The following HIRA variants were observed in gnomAD, a reference collection of about 807,000 sequenced individuals.
HIRA encodes the protein protein HIRA.
In HIRA, 13 loss-of-function variants were observed where a neutral mutation model predicts 126.6. The ratio of observed to expected loss-of-function variants is 0.10; its 90% confidence interval spans 0.07 to 0.16. HIRA has a LOEUF of 0.16. Among genes scored for constraint, HIRA ranks in the 10% least tolerant of loss-of-function variants. HIRA has a pLI of 1.00. For missense variants in HIRA, 834 were observed against 1,314.4 expected, an observed-to-expected ratio of 0.63 and a Z score of 5.65; for synonymous variants, 511 against 520.0, an observed-to-expected ratio of 0.98 and a Z score of 0.24.
Position 19,396,722 on chromosome 22 carries a change from C to T in HIRA, c.654+65G>A, listed in dbSNP as rs2089227369. 5.1e-6 allele frequency: 8 copies of T among 1,560,092 alleles called. 1 individual carries two copies. In the South Asian group the frequency reaches 8.0e-5, roughly 16 times the overall value. On this transcript the variant is annotated intron_variant, in intron 7 of 24. Coordinates refer to ENST00000263208, the MANE Select transcript of HIRA (RefSeq NM_003325.4). ...GCCCATGGCCAGCTCCCTCTCTGTA[C>T]ACAGAAGTCAGGAAGAGGCTGGGGC...
chr22:19,394,246 CT>C, intron 8 of HIRA, 95 bp downstream of exon 8: 1 of 1,398,206 alleles, frequency 7.2e-7, no homozygotes, highest in Non-Finnish European at 9.7e-7. Flanking sequence ...GTAAAATTAG[CT>C]TTTAAATATT....
intron 2 of HIRA, among the ~76,000 whole-genome samples, chr22:19,409,473 G>A (rs943531844): frequency 9.2e-5 from 14 of 151,958 alleles, no homozygotes; most frequent in African/African-American, 3.1e-4. Context: ...TAGTAGAGAC[G>A]GGGTTTCGCC....
chr22:19,393,677 C>T (rs2089200910), intron 8 of HIRA, among the ~76,000 whole-genome samples: 1 of 152,150 alleles, frequency 6.6e-6, no homozygotes, highest in Admixed American at 6.5e-5. Flanking sequence ...TCTATTTAAA[C>T]ACGGGCAAAA....
At chr22:19,380,495 G>A in intron 13 of HIRA, among the ~76,000 whole-genome samples, 1 of 152,158 alleles carries the variant, frequency 6.6e-6, no homozygotes, top group Middle Eastern at 3.2e-3. Context: ...GTATCTCACT[G>A]TTTTGAGTTA....
At position 19,357,073 on chromosome 22, in the gene HIRA, A is replaced by T. The variant is rs782019725; in HGVS notation, c.2235-22T>A. On this transcript the variant is annotated intron_variant, in intron 18 of 24. Transcript: ENST00000263208. ...GTCACTGAGAAGGCAGAGTGGGGGC[A>T]GGTGTCATGGGGGCTGAGTGCTGCA... 11 of 1,613,120 alleles carry T rather than the reference A, an allele frequency of 6.8e-6. No individual in the cohort carries two copies. The South Asian group carries it at 9.9e-5, about 15-fold the overall frequency.
rs376016674 is a variant in HIRA at position 19,419,674 on chromosome 22, C to G, written c.38-8896G>C. Among the ~76,000 whole-genome samples the G allele has an allele frequency of 1.5e-3, 227 of 152,280 alleles. 1 individual carries two copies. The highest frequency in any genetic ancestry group is 4.9e-3 in the African/African-American group (202 of 41,542). On this transcript the variant is annotated intron_variant, in intron 1 of 24. Coordinates refer to ENST00000263208, the MANE Select transcript of HIRA (RefSeq NM_003325.4). Reference sequence around the variant, plus strand: ...TTATTCACTAATTCATCCTCAGGACCCAGAGCTGTGGCTTGGCACATAACA... The same window carrying G: ...TTATTCACTAATTCATCCTCAGGACGCAGAGCTGTGGCTTGGCACATAACA...
rs1326701747 is a variant in HIRA, at chr22:19,431,683, A to G, written c.-207T>C. 2 of 413,536 alleles carry G rather than the reference A, an allele frequency of 4.8e-6. No individual in the cohort carries two copies. Among genetic ancestry groups the G allele is most frequent in the Non-Finnish European group, 7.6e-6 (2 of 264,272 alleles). 25.6% of individuals were successfully genotyped at this position (413,536 alleles called of 1,614,324 possible). The stretch of plus-strand genomic sequence containing the variant: ...CCCGCGCTCGGCCGCCGCCGCCGCC[A>G]CCACAGCCGCATCCCCTGCGCCGCT... On this transcript the variant is annotated 5_prime_UTR_variant, in exon 1 of 25. Coordinates refer to ENST00000263208, the MANE Select transcript of HIRA (RefSeq NM_003325.4).
At chr22:19,407,135 C>A in intron 4 of HIRA, 49 bp downstream of exon 4, 1 of 1,467,954 alleles carries the variant, frequency 6.8e-7, no homozygotes, top group Non-Finnish European at 9.5e-7. Flanking sequence ...TAAAGACCAG[C>A]AAAGCAGCTT....
At chr22:19,355,736 AG>A in intron 21 of HIRA, 23 bp downstream of exon 21, 1 of 1,524,812 alleles carries the variant, frequency 6.6e-7, no homozygotes, top group South Asian at 1.1e-5. Context: ...TCCAGGGAAT[AG>A]GACTGGGGGT....
chr22:19,431,371 G>A lies in HIRA; in HGVS notation c.37+69C>T, dbSNP rs147461259. On this transcript the variant is annotated intron_variant, in intron 1 of 24. Transcript: ENST00000263208. ...GGCGAGACAGGCAGGACTTGCGCGC[G>A]CCCCGACTCGACTCCAGACCCCGAC... 17,202 of 1,537,914 alleles carry A rather than the reference G, an allele frequency of 0.011. 440 individuals carry two copies. Among genetic ancestry groups the A allele is most frequent in the South Asian group, 0.065 (5,825 of 89,800 alleles).
At chr22:19,427,370 T>A (rs963786566) in intron 1 of HIRA, among the ~76,000 whole-genome samples, 1 of 152,248 alleles carries the variant, frequency 6.6e-6, no homozygotes, top group Non-Finnish European at 1.5e-5. Context: ...AGGTCTGCAG[T>A]GCCCTCCGGC....
rs1479655425 is a variant in HIRA at position 19,336,882 on chromosome 22, C to G, written c.2938-5326G>C. On this transcript the variant is annotated intron_variant, in intron 24 of 24. Coordinates refer to ENST00000263208, the MANE Select transcript of HIRA (RefSeq NM_003325.4). ...GGATCACCCTGTGGGACAAAATAAT[C>G]TCAACAGCAGCCTCTGAGTTCCAGA... 3.3e-5 allele frequency among the ~76,000 whole-genome samples: 5 copies of G among 152,204 alleles called. No individual in the cohort carries two copies. The East Asian group carries it at 7.7e-4, about 23-fold the overall frequency.
rs540924179 is a variant in HIRA at position 19,371,438 on chromosome 22, G to T, written c.1775+4193C>A. On this transcript the variant is annotated intron_variant, in intron 15 of 24. Transcript: ENST00000263208. Reference sequence around the variant, plus strand: ...TTTTTTTGGTTCATTTCCAAATCTGGTTTTTTTTTGATAGTGTATTATTCT... The same window carrying T: ...TTTTTTTGGTTCATTTCCAAATCTGTTTTTTTTTTGATAGTGTATTATTCT... 4.6e-5 allele frequency among the ~76,000 whole-genome samples: 7 copies of T among 150,828 alleles called. No homozygotes were observed. The South Asian group carries it at 1.1e-3, about 23-fold the overall frequency.
chr22:19,400,442 T>G (rs117344257), intron 5 of HIRA, among the ~76,000 whole-genome samples: 4,342 of 152,306 alleles, frequency 0.029, 82 homozygotes, highest in Non-Finnish European at 0.041. Flanking sequence ...TTAGGTATAC[T>G]GTAGCCTCTT....
chr22:19,408,620 A>C (rs2089325850), intron 2 of HIRA, 27 bp from the exon 3 acceptor site: 3 of 1,310,566 alleles, frequency 2.3e-6, no homozygotes, highest in East Asian at 2.3e-5. Flanking sequence ...GAAATGGCTG[A>C]ATGTGCAAGG....
chr22:19,422,489 C>T (rs2089456593), intron 1 of HIRA, among the ~76,000 whole-genome samples: 1 of 152,088 alleles, frequency 6.6e-6, no homozygotes, highest in Non-Finnish European at 1.5e-5. Flanking sequence ...CACAGTAGTC[C>T]TCTGCTCCCC....
chr22:19,383,857 G>A, intron 12 of HIRA, 152 bp from the exon 13 acceptor site: 1 of 625,088 alleles, frequency 1.6e-6, no homozygotes, highest in Non-Finnish European at 2.8e-6. Flanking sequence ...ATATCATATT[G>A]TGAACTGTAG....
chr22:19,351,153 G>A lies in HIRA; in HGVS notation c.2937+205C>T, dbSNP rs868931376. The A allele has an allele frequency of 1.7e-5, 17 of 985,242 alleles. No individual in the cohort carries two copies. Among genetic ancestry groups the A allele is most frequent in the African/African-American group, 1.2e-4 (7 of 57,230 alleles). The allele number at this position is 985,242 out of a possible 1,614,324, so 61.0% of individuals were successfully genotyped here. A position where few individuals can be genotyped will look rare whatever the true frequency, so the allele number is the denominator to read the frequency against. On this transcript the variant is annotated intron_variant, in intron 24 of 24. Transcript: ENST00000263208. The surrounding 1 kb of genome is among the most constrained non-coding windows in gnomAD (Gnocchi z 4.8). The stretch of plus-strand genomic sequence containing the variant: ...GCACAGGCACGTGGCGGAGCACTCC[G>A]TGGCTCCTGATGTCCAGGGCCCAGC...
chr22:19,351,485 AC>A lies in HIRA; in HGVS notation c.2849-40del, dbSNP rs1556010887. 7 of 1,423,290 alleles carry A rather than the reference AC, an allele frequency of 4.9e-6. No homozygotes were observed. The highest frequency in any genetic ancestry group is 5.9e-6 in the Non-Finnish European group (6 of 1,013,792). 88.2% of individuals were successfully genotyped at this position (1,423,290 alleles called of 1,614,324 possible). A position where few individuals can be genotyped will look rare whatever the true frequency, so the allele number is the denominator to read the frequency against. The stretch of plus-strand genomic sequence containing the variant: ...AACAAACAAACAACAACAACAAAAA[AC>A]AAAACAGAAATAGGAACACATTACA... On this transcript the variant is annotated intron_variant, in intron 23 of 24. Coordinates refer to ENST00000263208, the MANE Select transcript of HIRA (RefSeq NM_003325.4). This position sits in a 1 kb window ranked among gnomAD's most constrained non-coding sequence, Gnocchi z 4.8.
Sources: allele counts gnomAD v4.1 joint callset (sites outside exome capture counted in the v4.1 genomes callset), GRCh38; gene constraint gnomAD v4.1.1; non-coding constraint Gnocchi (gnomAD v3.1); transcripts MANE v1.5; gene names NCBI Gene and HGNC (gene_info 2026-07-23, HGNC 2026-07-21).